Variants in MYO1B observed in about 807,000 individuals in gnomAD.
MYO1B encodes unconventional myosin-Ib.
A neutral mutation model predicts 159.7 loss-of-function variants in MYO1B; 72 were observed. The observed-to-expected ratio is 0.45, with a 90% CI of 0.37 to 0.55. The LOEUF is 0.55. MYO1B is among the 20% of genes least tolerant of loss of function. The probability of loss-of-function intolerance (pLI) is 0.00; values close to 1 mark genes in which losing one functional copy is unlikely to be tolerated. For synonymous variants in MYO1B, 468 were observed against 473.8 expected (o/e 0.99, Z 0.16); for missense variants, 1,062 against 1,364.8 (o/e 0.78, Z 3.50).
chr2:191,253,306 C>G (rs1686240056), intron 1 of MYO1B, among the ~76,000 whole-genome samples: 1 of 152,298 alleles, frequency 6.6e-6, no homozygotes, highest in Non-Finnish European at 1.5e-5. Flanking sequence ...GATAACACTG[C>G]TATAGTCACT....
In MYO1B at chr2:191,423,966, G is replaced by A. The variant is rs748786968; in HGVS notation, c.*6G>A. 2.9e-5 allele frequency: 47 copies of A among 1,611,500 alleles called. No homozygotes were observed. The highest frequency in any genetic ancestry group is 2.1e-4 in the South Asian group (19 of 90,542). Reference sequence around the variant, plus strand: ...TTGAAGTTGCTGTCCCTTAACTGGCGCCTCCTCTCTACTTTCATGGACTTG... The same window carrying A: ...TTGAAGTTGCTGTCCCTTAACTGGCACCTCCTCTCTACTTTCATGGACTTG... On this transcript the variant is annotated 3_prime_UTR_variant, in exon 31 of 31. Transcript: ENST00000392318.
At chr2:191,273,209 C>A (rs1464041010) in intron 1 of MYO1B, among the ~76,000 whole-genome samples, 2 of 152,128 alleles carry the variant, frequency 1.3e-5, no homozygotes, top group Non-Finnish European at 2.9e-5. Context: ...ACCTCCACTT[C>A]CTGGGTTCAA....
intron 22 of MYO1B, 92 bp from the exon 23 acceptor site, chr2:191,400,657 C>A: frequency 6.9e-7 from 1 of 1,439,170 alleles, no homozygotes; most frequent in Non-Finnish European, 9.6e-7. Context: ...TTGGTGGTGA[C>A]TAGTGTCTCT....
intron 7 of MYO1B, among the ~76,000 whole-genome samples, chr2:191,357,470 C>G (rs1418943650): frequency 6.6e-6 from 1 of 152,116 alleles, no homozygotes; most frequent in African/African-American, 2.4e-5. Context: ...TTATCTCTTA[C>G]CTTAAAATGG....
At chr2:191,330,305 C>G (rs1691387416) in intron 4 of MYO1B, among the ~76,000 whole-genome samples, 1 of 152,152 alleles carries the variant, frequency 6.6e-6, no homozygotes, top group Non-Finnish European at 1.5e-5. Context: ...TTTTACTTTT[C>G]TCCCAAGACA....
intron 7 of MYO1B, among the ~76,000 whole-genome samples, chr2:191,359,761 A>C (rs1693545602): frequency 6.6e-6 from 1 of 152,216 alleles, no homozygotes; most frequent in Non-Finnish European, 1.5e-5. Flanking sequence ...CTCTAGAATT[A>C]GTGCTCAATA....
At chr2:191,316,799 A>G (rs533654479) in intron 3 of MYO1B, among the ~76,000 whole-genome samples, 2 of 152,190 alleles carry the variant, frequency 1.3e-5, no homozygotes, top group East Asian at 1.9e-4. Flanking sequence ...ATGTGACAGC[A>G]TGTCAGATTT....
intron 3 of MYO1B, among the ~76,000 whole-genome samples, chr2:191,301,204 T>C (rs1689307988): frequency 6.6e-6 from 1 of 152,214 alleles, no homozygotes; most frequent in Non-Finnish European, 1.5e-5. Flanking sequence ...GTGATGTCTT[T>C]CCAGTATGAT....
chr2:191,312,914 T>C (rs1289578675), intron 3 of MYO1B, among the ~76,000 whole-genome samples: 1 of 152,218 alleles, frequency 6.6e-6, no homozygotes, highest in Non-Finnish European at 1.5e-5. Context: ...TGCTGCTTAC[T>C]GACAAAATTC....
At chr2:191,285,382 G>A (rs566345084) in intron 2 of MYO1B, among the ~76,000 whole-genome samples, 1 of 152,288 alleles carries the variant, frequency 6.6e-6, no homozygotes, top group East Asian at 1.9e-4. Flanking sequence ...TAATATGATG[G>A]TAGTGTAGGC....
At chr2:191,283,137 C>T (rs144339639) in intron 2 of MYO1B, among the ~76,000 whole-genome samples, 82 of 152,342 alleles carry the variant, frequency 5.4e-4, no homozygotes, top group Middle Eastern at 3.4e-3. Flanking sequence ...TCAACCCATG[C>T]AAACTTTCCT....
intron 3 of MYO1B, among the ~76,000 whole-genome samples, chr2:191,314,437 A>G (rs1476054416): frequency 6.6e-6 from 1 of 152,236 alleles, no homozygotes; most frequent in Non-Finnish European, 1.5e-5. Context: ...GAGTAGATCC[A>G]TCTTTGTTCC....
At chr2:191,400,939 A>T in intron 23 of MYO1B, 104 bp downstream of exon 23, 1 of 1,082,472 alleles carries the variant, frequency 9.2e-7, no homozygotes, top group East Asian at 2.5e-5. Flanking sequence ...ATAGTGGCTC[A>T]CACTGGTGCA....
intron 30 of MYO1B, among the ~76,000 whole-genome samples, chr2:191,420,904 T>G (rs1697895408): frequency 6.6e-6 from 1 of 152,184 alleles, no homozygotes; most frequent in Admixed American, 6.5e-5. Flanking sequence ...TGTTATTGTT[T>G]GTTGGAGGAG....
intron 1 of MYO1B, among the ~76,000 whole-genome samples, chr2:191,269,771 G>A (rs1354013541): frequency 3.3e-5 from 5 of 152,164 alleles, no homozygotes; most frequent in African/African-American, 1.2e-4. Context: ...GGATAGAAGT[G>A]AGCTTAATCA....
intron 4 of MYO1B, among the ~76,000 whole-genome samples, chr2:191,334,217 T>C (rs1691679502): frequency 6.6e-6 from 1 of 152,116 alleles, no homozygotes. Context: ...TGGCCAGTTC[T>C]TCATCTCCTC....
chr2:191,337,867 G>A (rs1044390553), intron 4 of MYO1B, among the ~76,000 whole-genome samples: 4 of 152,010 alleles, frequency 2.6e-5, no homozygotes, highest in Admixed American at 2.6e-4. Flanking sequence ...TCATTATAGA[G>A]GTTATTATGT....
At chr2:191,313,534 G>A (rs527727902) in intron 3 of MYO1B, among the ~76,000 whole-genome samples, 10 of 152,132 alleles carry the variant, frequency 6.6e-5, no homozygotes, top group Non-Finnish European at 1.3e-4. Flanking sequence ...ACAGGCGCCC[G>A]CCACCACACC....
intron 3 of MYO1B, among the ~76,000 whole-genome samples, chr2:191,299,423 A>G (rs781415393): frequency 6.6e-6 from 1 of 151,910 alleles, no homozygotes; most frequent in Admixed American, 6.6e-5. Context: ...TCCTCACCCC[A>G]CCCTCACCAC....
Sources: allele counts gnomAD v4.1 joint callset (sites outside exome capture counted in the v4.1 genomes callset), GRCh38; gene constraint gnomAD v4.1.1; transcripts MANE v1.5; gene names NCBI Gene and HGNC (gene_info 2026-07-23, HGNC 2026-07-21).